SEH1L: variants seen among roughly 807,000 people sequenced by gnomAD.
The protein encoded by SEH1L is nucleoporin SEH1.
In SEH1L, 18 loss-of-function variants were observed where a neutral mutation model predicts 49.5. The observed-to-expected ratio is 0.36, with a 90% CI of 0.25 to 0.54. The LOEUF (loss-of-function observed/expected upper bound fraction) is 0.54, where lower values mean the gene tolerates loss of function less well. Among genes scored for constraint, SEH1L ranks in the 20% least tolerant of loss-of-function variants. The pLI is 0.87. For synonymous variants in SEH1L, 169 were observed against 178.1 expected (o/e 0.95, Z 0.41); for missense variants, 404 against 528.8 (o/e 0.76, Z 2.31).
chr18:12,963,386 T>G lies in SEH1L; in HGVS notation c.521+15T>G, dbSNP rs1264187624. On this transcript the variant is annotated intron_variant, in intron 4 of 8. Coordinates refer to ENST00000399892, the MANE Select transcript of SEH1L (RefSeq NM_001013437.2). Reference sequence around the variant, plus strand: ...AACCCTTCAAGGTAAGTTTACATATTAAACCTCTGATAACATCCTAGTAAA... The same window carrying G: ...AACCCTTCAAGGTAAGTTTACATATGAAACCTCTGATAACATCCTAGTAAA... 2 of 1,584,830 alleles carry G rather than the reference T, an allele frequency of 1.3e-6. No individual in the cohort carries two copies. Among genetic ancestry groups the G allele is most frequent in the Non-Finnish European group, 1.7e-6 (2 of 1,153,756 alleles).
chr18:12,948,688 G>C (rs975806868), intron 1 of SEH1L: 1 of 156,710 alleles, frequency 6.4e-6, no homozygotes, highest in Non-Finnish European at 1.4e-5. Context: ...GGTTTTCTCC[G>C]TGGGTTCAGA....
At chr18:12,972,788 AAAAAC>A (rs1330793183) in intron 5 of SEH1L, 1 of 152,262 alleles carries the variant, frequency 6.6e-6, no homozygotes, top group Non-Finnish European at 1.5e-5. Context: ...TTTAAGCTGT[AAAAAC>A]TATGAGCCCT....
intron 3 of SEH1L, among the ~76,000 whole-genome samples, chr18:12,962,805 A>C (rs544297514): frequency 6.6e-6 from 1 of 151,876 alleles, no homozygotes; most frequent in Non-Finnish European, 1.5e-5. Context: ...TGCTTGCAGC[A>C]TGCTTTGTGT....
chr18:12,984,654 A>C (rs1489311831), intron 8 of SEH1L: 2 of 154,494 alleles, frequency 1.3e-5, no homozygotes, highest in Non-Finnish European at 2.9e-5. Context: ...AAACTTTAAT[A>C]GAAATAAGAG....
At chr18:12,981,284 TCACTTCC>T (rs1417512755) in intron 6 of SEH1L, among the ~76,000 whole-genome samples, 1 of 152,034 alleles carries the variant, frequency 6.6e-6, no homozygotes, top group Non-Finnish European at 1.5e-5. Context: ...GAGACGCTCC[TCACTTCC>T]CAGACGGGGT....
chr18:12,955,423 T>G, intron 2 of SEH1L, 40 bp from the exon 3 acceptor site: 2 of 1,541,782 alleles, frequency 1.3e-6, no homozygotes, highest in Middle Eastern at 3.9e-4. Flanking sequence ...CCTGGGATAA[T>G]GAGTATCTGT....
At chr18:12,955,401 GA>G in intron 2 of SEH1L, 61 bp from the exon 3 acceptor site, 1 of 1,494,322 alleles carries the variant, frequency 6.7e-7, no homozygotes, top group Non-Finnish European at 9.0e-7. Flanking sequence ...AAGTATTTAG[GA>G]AAAAAGAAGC....
At chr18:12,953,270 C>T (rs9960379) in intron 2 of SEH1L, among the ~76,000 whole-genome samples, 10,797 of 152,178 alleles carry the variant, frequency 0.071, 1,134 homozygotes, top group African/African-American at 0.23. Flanking sequence ...CACCAGTTGA[C>T]GGACATTTGA....
intron 3 of SEH1L, among the ~76,000 whole-genome samples, chr18:12,958,778 C>T (rs1040835032): frequency 4.6e-5 from 7 of 152,110 alleles, no homozygotes; most frequent in African/African-American, 9.7e-5. Context: ...GTTTCTACTT[C>T]GTGGCTATTG....
At chr18:12,948,491 C>T (rs957529504) in intron 1 of SEH1L, 2 of 314,622 alleles carry the variant, frequency 6.4e-6, no homozygotes, top group South Asian at 9.8e-5. Flanking sequence ...ACGCCGGGCC[C>T]TCTCCCAGGC....
At chr18:12,976,311 C>T (rs1267640729) in intron 5 of SEH1L, 1 of 152,260 alleles carries the variant, frequency 6.6e-6, no homozygotes, top group African/African-American at 2.4e-5. Flanking sequence ...GTGTTGTAGT[C>T]ACACGGGTGT....
intron 5 of SEH1L, chr18:12,972,201 T>C (rs1248638587): frequency 2.0e-5 from 3 of 152,232 alleles, no homozygotes; most frequent in Non-Finnish European, 4.4e-5. Flanking sequence ...AACTTGAGAA[T>C]AATTGAGAAG....
chr18:12,965,418 A>G (rs1355317377), intron 4 of SEH1L, among the ~76,000 whole-genome samples: 1 of 152,186 alleles, frequency 6.6e-6, no homozygotes, highest in Non-Finnish European at 1.5e-5. Context: ...CTACAAATTG[A>G]TTCTAAAAAT....
intron 3 of SEH1L, 48 bp from the exon 4 acceptor site, chr18:12,963,112 A>G (rs1173127140): frequency 3.6e-6 from 5 of 1,390,568 alleles, no homozygotes; most frequent in South Asian, 2.5e-5. Flanking sequence ...CCACTCTACC[A>G]TGCTTTCTTT....
At chr18:12,979,596 A>G (rs1254847683) in intron 6 of SEH1L, among the ~76,000 whole-genome samples, 2 of 152,030 alleles carry the variant, frequency 1.3e-5, no homozygotes, top group Non-Finnish European at 2.9e-5. Flanking sequence ...CACCTCCCAG[A>G]CGGGGTGGTG....
Position 12,971,225 on chromosome 18 carries a change from G to A in SEH1L, c.594G>A (p.Gln198=). ...DSSPNAMAKV[Q]IFEYNENTRK... is the part of the protein sequence containing the mutation. The stretch of plus-strand genomic sequence containing the variant: ...GCCCCAACGCAATGGCCAAGGTTCA[G>A]ATTTTTGAATATAATGAAAACACCA... Residue 198 remains glutamine, a synonymous_variant, in exon 5 of 9, where the codon CAG becomes CAA. Coordinates refer to ENST00000399892, the MANE Select transcript of SEH1L (RefSeq NM_001013437.2). 6.2e-7 allele frequency: 1 copy of A among 1,613,374 alleles called. No individual in the cohort carries two copies. Among genetic ancestry groups the A allele is most frequent in the East Asian group, 2.2e-5 (1 of 44,880 alleles).
At position 12,985,298 on chromosome 18, in the gene SEH1L, T is replaced by A. The variant is rs763582993; in HGVS notation, c.1070+1108T>A. ...CTTTGCTGTTTTGCTGCTTGTTGCA[T>A]GCACACAGGAATGGAAAGCGAGCTC... is the stretch of plus-strand genomic sequence containing the variant. On this transcript the variant is annotated intron_variant, in intron 8 of 8. Transcript: ENST00000399892. 6.0e-5 allele frequency: 96 copies of A among 1,599,874 alleles called. No individual in the cohort carries two copies. The Middle Eastern group carries it at 8.3e-4, about 14-fold the overall frequency.
chr18:12,959,817 T>G (rs1394668913), intron 3 of SEH1L, among the ~76,000 whole-genome samples: 2 of 152,210 alleles, frequency 1.3e-5, no homozygotes, highest in Admixed American at 6.5e-5. Context: ...TTCCCCAATG[T>G]TTTCTTCTAA....
At chr18:12,979,582 A>G (rs561494838) in intron 6 of SEH1L, among the ~76,000 whole-genome samples, 169 of 152,262 alleles carry the variant, frequency 1.1e-3, no homozygotes, top group African/African-American at 4.0e-3. Flanking sequence ...TGAGCTGTTG[A>G]GTACACCTCC....
Sources: gnomAD v4.1 joint callset for allele counts (sites outside exome capture counted in the v4.1 genomes callset) on GRCh38, gnomAD v4.1.1 for gene constraint, MANE v1.5 for transcripts, NCBI Gene and HGNC (gene_info 2026-07-23, HGNC 2026-07-21) for gene names.